INTS9: variants seen among roughly 807,000 people sequenced by gnomAD.
The protein encoded by INTS9 is protein related to CPSF subunits of 74 kDa.
INTS9 carries 55 observed loss-of-function variants against 79.7 expected under a neutral mutation model. That is an observed-to-expected ratio of 0.69 (90% CI 0.56 to 0.86). The LOEUF is 0.86. INTS9 is among the 40% of genes least tolerant of loss of function. INTS9 has a pLI of 0.00. For synonymous variants in INTS9, 319 were observed against 325.2 expected (o/e 0.98, Z 0.20); for missense variants, 721 against 831.5 (o/e 0.87, Z 1.64).
chr8:28,794,867 C>T (rs1452469080), intron 9 of INTS9, among the ~76,000 whole-genome samples: 1 of 152,028 alleles, frequency 6.6e-6, no homozygotes, highest in Non-Finnish European at 1.5e-5. Context: ...GTTAGTGGAC[C>T]CCACTTTGGG....
At chr8:28,770,839 A>G (rs1373841483) in intron 15 of INTS9, 143 bp downstream of exon 15, 3 of 680,100 alleles carry the variant, frequency 4.4e-6, no homozygotes, top group East Asian at 5.5e-5. Context: ...CTCTGGGCAC[A>G]GCAGCCTCTC....
At chr8:28,861,482 T>C (rs1808457333) in intron 1 of INTS9, among the ~76,000 whole-genome samples, 1 of 152,188 alleles carries the variant, frequency 6.6e-6, no homozygotes, top group Non-Finnish European at 1.5e-5. Flanking sequence ...GAAAATAAAA[T>C]GAAATGTGTG....
intron 1 of INTS9, among the ~76,000 whole-genome samples, chr8:28,885,402 A>C (rs935828359): frequency 6.6e-6 from 1 of 152,246 alleles, no homozygotes. Context: ...TTAATCTTAA[A>C]GTCACATTCA....
At chr8:28,821,033 T>C (rs1805798600) in intron 6 of INTS9, among the ~76,000 whole-genome samples, 1 of 152,178 alleles carries the variant, frequency 6.6e-6, no homozygotes, top group African/African-American at 2.4e-5. Flanking sequence ...AAAATTCCAC[T>C]TCCCATTGCA....
chr8:28,786,064 T>C (rs538078616), intron 11 of INTS9, among the ~76,000 whole-genome samples: 70 of 152,344 alleles, frequency 4.6e-4, no homozygotes, highest in Non-Finnish European at 1.2e-4. Context: ...GATCAGTTTA[T>C]TGTGTTTTTG....
intron 14 of INTS9, among the ~76,000 whole-genome samples, chr8:28,772,490 G>C (rs989586142): frequency 1.3e-5 from 2 of 152,042 alleles, no homozygotes; most frequent in African/African-American, 4.8e-5. Flanking sequence ...TCCAGCCTGG[G>C]CAACACGGCA....
At chr8:28,818,466 G>A (rs1233972359) in intron 6 of INTS9, among the ~76,000 whole-genome samples, 15 of 152,078 alleles carry the variant, frequency 9.9e-5, no homozygotes, top group African/African-American at 1.9e-4. Context: ...CTTGATTTGC[G>A]TATATTGAAC....
intron 9 of INTS9, among the ~76,000 whole-genome samples, chr8:28,795,845 CA>C (rs1229840692): frequency 6.6e-6 from 1 of 152,122 alleles, no homozygotes; most frequent in African/African-American, 2.4e-5. Flanking sequence ...CTAACTAAGA[CA>C]GTAACCAACC....
intron 15 of INTS9, among the ~76,000 whole-genome samples, chr8:28,770,449 C>A (rs370289043): frequency 6.6e-6 from 1 of 152,192 alleles, no homozygotes; most frequent in Admixed American, 6.5e-5. Flanking sequence ...AAGCTGCCTA[C>A]GAAATGATGA....
At chr8:28,799,801 G>A (rs1328980234) in intron 8 of INTS9, among the ~76,000 whole-genome samples, 1 of 152,154 alleles carries the variant, frequency 6.6e-6, no homozygotes, top group African/African-American at 2.4e-5. Context: ...TTTGCAAGCC[G>A]GGGACCCCTA....
At chr8:28,786,366 G>A (rs915196266) in intron 11 of INTS9, among the ~76,000 whole-genome samples, 1 of 151,882 alleles carries the variant, frequency 6.6e-6, no homozygotes, top group African/African-American at 2.4e-5. Flanking sequence ...GTTCACTGCA[G>A]CAGCCTCGAA....
At chr8:28,833,650 C>CAA (rs59185485) in intron 6 of INTS9, among the ~76,000 whole-genome samples, 1 of 113,324 alleles carries the variant, frequency 8.8e-6, no homozygotes, top group Admixed American at 8.7e-5. Context: ...AAACAAAAAC[C>CAA]AAAAAAAAAA....
Position 28,777,915 on chromosome 8 carries a change from G to C in INTS9, c.1309C>G (p.Gln437Glu). ...TAGATGCATTTCATGGCCAGCGGCT[G>C]GTAAGGAGCCAGGGCTTCCAGGTAG... The part of the protein sequence containing the change: ...FSYLEALAPY[Q>E]PLAMKCIYCP... Residue 437 changes from glutamine (Q) to glutamate (E), a missense_variant, in exon 13 of 17, where the codon CAG becomes GAG. By Grantham distance (29) the Gln-to-Glu change is conservative. This residue lies in a region of INTS9 where 281 missense variants were observed against 300.8 expected (regional missense o/e 0.93). Coordinates refer to ENST00000521022, the MANE Select transcript of INTS9 (RefSeq NM_018250.4). 6.2e-7 allele frequency: 1 copy of C among 1,612,494 alleles called. No homozygotes were observed. Among genetic ancestry groups the C allele is most frequent in the South Asian group, 1.1e-5 (1 of 90,824 alleles).
intron 11 of INTS9, among the ~76,000 whole-genome samples, chr8:28,784,417 T>C (rs893132208): frequency 3.3e-5 from 5 of 152,228 alleles, no homozygotes; most frequent in African/African-American, 1.2e-4. Flanking sequence ...CTAGCCTGTG[T>C]TTCACTATGG....
chr8:28,880,209 G>T (rs1809628904), intron 1 of INTS9, among the ~76,000 whole-genome samples: 1 of 151,762 alleles, frequency 6.6e-6, no homozygotes, highest in South Asian at 2.1e-4. Context: ...TAATGGCATA[G>T]AAAAATGTAG....
At chr8:28,798,499 C>T (rs1804339678) in intron 8 of INTS9, 1 of 152,106 alleles carries the variant, frequency 6.6e-6, no homozygotes, top group South Asian at 2.1e-4. Flanking sequence ...CCTGTGTAAA[C>T]TTTTCTTTTT....
intron 11 of INTS9, among the ~76,000 whole-genome samples, chr8:28,783,382 T>C (rs1018566716): frequency 1.3e-5 from 2 of 152,148 alleles, no homozygotes; most frequent in African/African-American, 4.8e-5. Flanking sequence ...ATCCAGAGGC[T>C]AGACACCCAG....
At chr8:28,834,833 C>G (rs1253339482) in intron 6 of INTS9, among the ~76,000 whole-genome samples, 2 of 152,156 alleles carry the variant, frequency 1.3e-5, no homozygotes, top group African/African-American at 4.8e-5. Context: ...TGTGCTACCA[C>G]CCAGCTAATT....
At chr8:28,815,174 G>A (rs974854599) in intron 6 of INTS9, among the ~76,000 whole-genome samples, 2 of 152,096 alleles carry the variant, frequency 1.3e-5, no homozygotes, top group African/African-American at 2.4e-5. Context: ...GTATAGCTAA[G>A]AAATGAGAAG....
Sources: allele counts gnomAD v4.1 joint callset (sites outside exome capture counted in the v4.1 genomes callset), GRCh38; gene constraint gnomAD v4.1.1; regional missense constraint gnomAD v4.1.1; transcripts MANE v1.5; gene names NCBI Gene and HGNC (gene_info 2026-07-23, HGNC 2026-07-21).